MIPEP: variants seen among roughly 807,000 people sequenced by gnomAD.
MIPEP encodes mitochondrial intermediate peptidase.
In MIPEP, 79 loss-of-function variants were observed where a neutral mutation model predicts 90.3. The ratio of observed to expected loss-of-function variants is 0.87; its 90% CI spans 0.73 to 1.05. The LOEUF (loss-of-function observed/expected upper bound fraction) is 1.05, where lower values mean the gene tolerates loss of function less well. Ranked by LOEUF, MIPEP falls within the 50% of genes least tolerant of loss-of-function variation. MIPEP has a pLI of 0.00. For synonymous variants in MIPEP, 334 were observed against 315.8 expected (o/e 1.06, Z -0.61); for missense variants, 940 against 905.6 (o/e 1.04, Z -0.49).
chr13:23,753,228 A>C (rs1952459030), intron 18 of MIPEP, among the ~76,000 whole-genome samples: 1 of 147,640 alleles, frequency 6.8e-6, no homozygotes, highest in Non-Finnish European at 1.5e-5. Context: ...CATCTCAAAA[A>C]AAAAAAAAAA....
In MIPEP at chr13:23,889,119, C is replaced by A. The variant is rs1453540511; in HGVS notation, c.189+13G>T. 5 of 1,408,186 alleles carry A rather than the reference C, an allele frequency of 3.6e-6. No homozygotes were observed. Among genetic ancestry groups the A allele is most frequent in the Non-Finnish European group, 4.6e-6 (5 of 1,084,490 alleles). The allele number at this position is 1,408,186 out of a possible 1,614,324, so 87.2% of individuals were successfully genotyped here. A position where few individuals can be genotyped will look rare whatever the true frequency, so the allele number is the denominator to read the frequency against. ...GCTCGGGGACTGAGGGGAGCTCCTCCTGCGCCGCTCACCCGGCGCTCGCCG... is the reference window on the plus strand; with the variant it reads ...GCTCGGGGACTGAGGGGAGCTCCTCATGCGCCGCTCACCCGGCGCTCGCCG... On this transcript the variant is annotated intron_variant, in intron 1 of 18. Coordinates refer to ENST00000382172, the MANE Select transcript of MIPEP (RefSeq NM_005932.4).
chr13:23,833,089 T>C (rs1380770718), intron 14 of MIPEP, among the ~76,000 whole-genome samples: 1 of 152,220 alleles, frequency 6.6e-6, no homozygotes, highest in Non-Finnish European at 1.5e-5. Flanking sequence ...AAAAAAATCC[T>C]TTCCTGAAAG....
chr13:23,745,405 G>A (rs930776843), intron 18 of MIPEP, among the ~76,000 whole-genome samples: 1 of 152,170 alleles, frequency 6.6e-6, no homozygotes, highest in African/African-American at 2.4e-5. Context: ...GTTAAACCAA[G>A]AGAAATCTTG....
At chr13:23,748,465 T>C (rs1158379791) in intron 18 of MIPEP, among the ~76,000 whole-genome samples, 1 of 152,132 alleles carries the variant, frequency 6.6e-6, no homozygotes, top group African/African-American at 2.4e-5. Context: ...ATATGTGCTA[T>C]GAAGCAAAAA....
intron 16 of MIPEP, among the ~76,000 whole-genome samples, chr13:23,803,949 A>G (rs1953077124): frequency 6.6e-6 from 1 of 152,196 alleles, no homozygotes; most frequent in African/African-American, 2.4e-5. Flanking sequence ...CAATTTACAC[A>G]AAGAGCAAGT....
rs183749896 is a variant in MIPEP at position 23,820,990 on chromosome 13, A to G, written c.1654-11066T>C. On this transcript the variant is annotated intron_variant, in intron 14 of 18. Coordinates refer to ENST00000382172, the MANE Select transcript of MIPEP (RefSeq NM_005932.4). Reference sequence around the variant, plus strand: ...AGCATCCAACACTGCCTCCATACTGAAAAACGCCAAATAATACCAACTGCA... The same window carrying G: ...AGCATCCAACACTGCCTCCATACTGGAAAACGCCAAATAATACCAACTGCA... Among the ~76,000 whole-genome samples, 738 of 152,320 alleles carry G rather than the reference A, an allele frequency of 4.8e-3. 3 individuals carry two copies. The highest frequency in any genetic ancestry group is 6.3e-3 in the Non-Finnish European group (429 of 68,020).
intron 8 of MIPEP, among the ~76,000 whole-genome samples, chr13:23,862,575 G>C (rs923843605): frequency 1.3e-5 from 2 of 152,110 alleles, no homozygotes; most frequent in Non-Finnish European, 2.9e-5. Context: ...ACCTTAAAAA[G>C]CATCATGGTG....
chr13:23,786,885 A>G (rs180834176), intron 16 of MIPEP, among the ~76,000 whole-genome samples: 42 of 152,314 alleles, frequency 2.8e-4, no homozygotes, highest in Admixed American at 2.7e-3. Flanking sequence ...AGTCAAGTGC[A>G]CAGAGTTATG....
chr13:23,809,007 C>T (rs1388852224), intron 15 of MIPEP, among the ~76,000 whole-genome samples: 2 of 152,184 alleles, frequency 1.3e-5, no homozygotes, highest in Non-Finnish European at 2.9e-5. Context: ...ACATAACTCT[C>T]AAGATCTGAA....
chr13:23,791,338 C>T (rs1046559977), intron 16 of MIPEP, among the ~76,000 whole-genome samples: 3 of 152,206 alleles, frequency 2.0e-5, no homozygotes, highest in African/African-American at 4.8e-5. Flanking sequence ...ACGTGGCCTG[C>T]AATCATAACT....
chr13:23,816,532 T>C (rs1268289920), intron 14 of MIPEP, among the ~76,000 whole-genome samples: 1 of 152,238 alleles, frequency 6.6e-6, no homozygotes. Flanking sequence ...TGTAGTTTTT[T>C]TTTGTAGTTT....
chr13:23,773,699 T>C (rs1334751582), intron 16 of MIPEP, among the ~76,000 whole-genome samples: 1 of 152,242 alleles, frequency 6.6e-6, no homozygotes, highest in Admixed American at 6.5e-5. Context: ...TTGATTTGCA[T>C]ATCCCTAATG....
At chr13:23,734,643 T>C (rs771960538) in intron 18 of MIPEP, among the ~76,000 whole-genome samples, 73 of 152,160 alleles carry the variant, frequency 4.8e-4, no homozygotes, top group Non-Finnish European at 9.0e-4. Flanking sequence ...CAAATGGTGC[T>C]ATAAACTGAA....
chr13:23,845,318 T>C (rs80221827), intron 10 of MIPEP, among the ~76,000 whole-genome samples: 15,190 of 152,218 alleles, frequency 0.1, 1,029 homozygotes, highest in Non-Finnish European at 0.15. Context: ...GTGTTGTACA[T>C]GAGCAGAGGA....
intron 18 of MIPEP, among the ~76,000 whole-genome samples, chr13:23,746,633 CAAAAAAA>C (rs34666099): frequency 0.01 from 1,009 of 99,354 alleles, 19 homozygotes; most frequent in African/African-American, 0.041. Flanking sequence ...GACTCCCTCT[CAAAAAAA>C]AAAAAAAAAA....
intron 16 of MIPEP, among the ~76,000 whole-genome samples, chr13:23,798,929 C>G (rs4238172): frequency 6.6e-5 from 10 of 150,970 alleles, no homozygotes; most frequent in African/African-American, 2.0e-4. Flanking sequence ...TTTGTAGCAA[C>G]GTGAGAATGG....
At chr13:23,864,735 CAAAAAAAA>C (rs373133876) in intron 7 of MIPEP, among the ~76,000 whole-genome samples, 1 of 85,268 alleles carries the variant, frequency 1.2e-5, no homozygotes, top group African/African-American at 4.6e-5. Context: ...GACTCCATCT[CAAAAAAAA>C]AAAAAAAAAG....
Position 23,774,398 on chromosome 13 carries a change from C to G in MIPEP, c.1849-14181G>C, listed in dbSNP as rs561071796. Among the ~76,000 whole-genome samples the G allele has an allele frequency of 2.0e-5, 3 of 152,244 alleles. No homozygotes were observed. In the South Asian group the frequency reaches 6.2e-4, roughly 32 times the overall value. Reference sequence around the variant, plus strand: ...TGTTTTGGCTATTCTGGGTCTCCCACATTTCCGTGAGAAATTTTATTAGAT... The same window carrying G: ...TGTTTTGGCTATTCTGGGTCTCCCAGATTTCCGTGAGAAATTTTATTAGAT... On this transcript the variant is annotated intron_variant, in intron 16 of 18. Transcript: ENST00000382172.
chr13:23,769,358 T>C, intron 16 of MIPEP, among the ~76,000 whole-genome samples: 1 of 152,020 alleles, frequency 6.6e-6, no homozygotes, highest in East Asian at 1.9e-4. Flanking sequence ...AGTCCTTCAG[T>C]AAAGGAGGTG....
Sources: gnomAD v4.1 joint callset for allele counts (sites outside exome capture counted in the v4.1 genomes callset) on GRCh38, gnomAD v4.1.1 for gene constraint, MANE v1.5 for transcripts, NCBI Gene and HGNC (gene_info 2026-07-23, HGNC 2026-07-21) for gene names.